GPATCH2: variants seen among roughly 807,000 people sequenced by gnomAD.
The protein encoded by GPATCH2 is G-patch domain containing 2.
A neutral mutation model predicts 58.0 loss-of-function variants in GPATCH2; 51 were observed. That is an observed-to-expected ratio of 0.88 (90% CI 0.70 to 1.11). The LOEUF (loss-of-function observed/expected upper bound fraction) is 1.11, where lower values mean the gene tolerates loss of function less well. GPATCH2 is among the 50% of genes most tolerant of loss of function. The pLI is 0.00. For synonymous variants in GPATCH2, 222 were observed against 218.5 expected (o/e 1.02, Z -0.14); for missense variants, 625 against 652.2 (o/e 0.96, Z 0.45).
chr1:217,593,835 C>T (rs952404716), intron 5 of GPATCH2, among the ~76,000 whole-genome samples: 8 of 151,874 alleles, frequency 5.3e-5, no homozygotes, highest in South Asian at 2.1e-4. Flanking sequence ...TAAAGAACTG[C>T]GTTAACCTAA....
intron 5 of GPATCH2, among the ~76,000 whole-genome samples, chr1:217,564,045 G>GAA (rs59348467): frequency 2.1e-4 from 12 of 58,216 alleles, no homozygotes; most frequent in African/African-American, 3.3e-4. Context: ...ACTCCGTCTC[G>GAA]AAAAAAAAAA....
chr1:217,559,638 G>A (rs1665820208), intron 5 of GPATCH2, among the ~76,000 whole-genome samples: 1 of 152,166 alleles, frequency 6.6e-6, no homozygotes, highest in Non-Finnish European at 1.5e-5. Flanking sequence ...CAAAAGGGAG[G>A]GTGATCCCAA....
intron 2 of GPATCH2, 40 bp downstream of exon 2, chr1:217,619,743 G>T: frequency 1.3e-6 from 1 of 754,326 alleles, no homozygotes; most frequent in Non-Finnish European, 2.1e-6. Context: ...CACAAACACT[G>T]GAGATAAATA....
intron 2 of GPATCH2, among the ~76,000 whole-genome samples, chr1:217,615,971 T>C (rs1162734461): frequency 1.3e-5 from 2 of 152,126 alleles, no homozygotes; most frequent in Non-Finnish European, 2.9e-5. Flanking sequence ...ATAAAACAAG[T>C]TGACTAAAAG....
At chr1:217,483,661 T>A (rs1419982381) in intron 8 of GPATCH2, among the ~76,000 whole-genome samples, 2 of 152,240 alleles carry the variant, frequency 1.3e-5, no homozygotes, top group Non-Finnish European at 2.9e-5. Flanking sequence ...TTCATTTTGT[T>A]ATTTTAGCTA....
intron 5 of GPATCH2, among the ~76,000 whole-genome samples, chr1:217,545,118 C>G (rs1664968743): frequency 6.6e-6 from 1 of 152,214 alleles, no homozygotes; most frequent in Non-Finnish European, 1.5e-5. Context: ...TTTCCTTTCT[C>G]TCTCTTTCCC....
At chr1:217,438,876 T>A (rs1658987027) in intron 9 of GPATCH2, among the ~76,000 whole-genome samples, 1 of 152,108 alleles carries the variant, frequency 6.6e-6, no homozygotes, top group African/African-American at 2.4e-5. Flanking sequence ...ATAACGCAAG[T>A]TCTTAGAGAC....
intron 7 of GPATCH2, chr1:217,495,105 A>G (rs1661948041): frequency 7.7e-6 from 4 of 518,520 alleles, no homozygotes; most frequent in Non-Finnish European, 9.9e-6. Context: ...AATAACTCAT[A>G]TAAGAATTAC....
At chr1:217,438,625 A>G (rs1413373347) in intron 9 of GPATCH2, among the ~76,000 whole-genome samples, 2 of 152,202 alleles carry the variant, frequency 1.3e-5, no homozygotes, top group East Asian at 3.8e-4. Context: ...TCAGAGATTG[A>G]AGATCATCTA....
At chr1:217,566,101 CAAAAAAAAAAAAAAA>C (rs59608962) in intron 5 of GPATCH2, among the ~76,000 whole-genome samples, 2 of 47,240 alleles carry the variant, frequency 4.2e-5, no homozygotes. Context: ...AACTCCGTCT[CAAAAAAAAAAAAAAA>C]AAAAAAAAAA....
intron 5 of GPATCH2, among the ~76,000 whole-genome samples, chr1:217,589,396 T>G (rs1054711805): frequency 3.3e-5 from 5 of 152,134 alleles, no homozygotes; most frequent in Non-Finnish European, 7.3e-5. Flanking sequence ...ACCTGGATAA[T>G]GACTACTACT....
chr1:217,529,152 C>T (rs1480704194), intron 5 of GPATCH2, among the ~76,000 whole-genome samples: 1 of 152,102 alleles, frequency 6.6e-6, no homozygotes, highest in Non-Finnish European at 1.5e-5. Flanking sequence ...AGGAGAACTG[C>T]AAGAACAAGC....
intron 5 of GPATCH2, among the ~76,000 whole-genome samples, chr1:217,583,342 T>A (rs1667162976): frequency 1.3e-5 from 2 of 151,098 alleles, no homozygotes. Flanking sequence ...GAGGCTGAGG[T>A]GGGTGGATCA....
At chr1:217,609,372 A>C (rs17723255) in intron 5 of GPATCH2, 46,261 of 984,224 alleles carry the variant, frequency 0.047, 1,163 homozygotes, top group Middle Eastern at 0.071. Context: ...CACATGTTTC[A>C]TTAAGCTCTA....
At chr1:217,454,138 C>T (rs764645684) in intron 8 of GPATCH2, among the ~76,000 whole-genome samples, 1 of 152,166 alleles carries the variant, frequency 6.6e-6, no homozygotes, top group African/African-American at 2.4e-5. Flanking sequence ...TTACCCTCCC[C>T]GCTTTACTTG....
chr1:217,493,994 A>G (rs1381899284), intron 7 of GPATCH2, among the ~76,000 whole-genome samples: 5 of 152,200 alleles, frequency 3.3e-5, no homozygotes, highest in Non-Finnish European at 1.5e-5. Context: ...TTAGTTTTGA[A>G]AAATGCAATT....
intron 5 of GPATCH2, among the ~76,000 whole-genome samples, chr1:217,591,923 T>A (rs1480839705): frequency 6.6e-6 from 1 of 152,054 alleles, no homozygotes; most frequent in Non-Finnish European, 1.5e-5. Context: ...TAGCTAAATG[T>A]ATTAAAACCT....
intron 5 of GPATCH2, among the ~76,000 whole-genome samples, chr1:217,515,928 T>C (rs765027808): frequency 6.6e-6 from 1 of 152,052 alleles, no homozygotes; most frequent in Non-Finnish European, 1.5e-5. Context: ...AAAACTTAGA[T>C]CAAGGAAGTG....
chr1:217,487,424 TC>T (rs1661504465), intron 8 of GPATCH2, among the ~76,000 whole-genome samples: 2 of 144,384 alleles, frequency 1.4e-5, no homozygotes, highest in African/African-American at 5.6e-5. Context: ...GAAGAGTACT[TC>T]TTTTTTTTTT....
Sources: allele counts gnomAD v4.1 joint callset (sites outside exome capture counted in the v4.1 genomes callset), GRCh38; gene constraint gnomAD v4.1.1; transcripts MANE v1.5; gene names NCBI Gene and HGNC (gene_info 2026-07-23, HGNC 2026-07-21).